SRFBP1: variants seen among roughly 807,000 people sequenced by gnomAD.
The protein encoded by SRFBP1 is serum response factor-binding protein 1.
In SRFBP1, 47 loss-of-function variants were observed where a neutral mutation model predicts 45.5. That is an observed-to-expected ratio of 1.03 (90% confidence interval 0.82 to 1.32). The LOEUF (loss-of-function observed/expected upper bound fraction) is 1.32. Among genes scored for constraint, SRFBP1 ranks in the 40% most tolerant of loss-of-function variants. SRFBP1 has a pLI of 0.00. For missense variants in SRFBP1, 621 were observed against 484.6 expected (o/e 1.28, Z -2.64); for synonymous variants, 203 against 166.3 (o/e 1.22, Z -1.70).
chr5:122,040,737 A>T (rs780274033), intron 2 of SRFBP1, among the ~76,000 whole-genome samples: 1 of 152,148 alleles, frequency 6.6e-6, no homozygotes, highest in African/African-American at 2.4e-5. Flanking sequence ...TACAAGCACT[A>T]AAATTGCACA....
At chr5:121,973,508 A>G (rs1400003453) in intron 1 of SRFBP1, among the ~76,000 whole-genome samples, 3 of 151,228 alleles carry the variant, frequency 2.0e-5, no homozygotes. Flanking sequence ...TTATAACTAT[A>G]ATTTCCATTT....
At chr5:121,997,988 A>G (rs895064218) in intron 4 of SRFBP1, among the ~76,000 whole-genome samples, 6 of 151,680 alleles carry the variant, frequency 4.0e-5, no homozygotes, top group Non-Finnish European at 7.4e-5. Flanking sequence ...ACCAGTTAGA[A>G]TGGCAATCAT....
At chr5:122,078,524 C>A (rs1181397166), downstream of SRFBP1, among the ~76,000 whole-genome samples, 2 of 152,106 alleles carry the variant, frequency 1.3e-5, no homozygotes, top group Non-Finnish European at 2.9e-5. Flanking sequence ...GGCGAACATG[C>A]AGGAATTTCA....
At chr5:122,026,874 A>G in intron 7 of SRFBP1, 68 bp from the exon 8 acceptor site, 2 of 1,070,336 alleles carry the variant, frequency 1.9e-6, no homozygotes, top group Non-Finnish European at 2.5e-6. Context: ...TTTGAAAAAG[A>G]TGAAATTTAC....
chr5:121,964,001 A>G (rs966370990), intron 1 of SRFBP1, among the ~76,000 whole-genome samples: 3 of 152,202 alleles, frequency 2.0e-5, no homozygotes, highest in African/African-American at 7.2e-5. Context: ...GAAATACCTC[A>G]TAGAAATTAA....
intron 2 of SRFBP1, among the ~76,000 whole-genome samples, chr5:122,051,704 C>G (rs1170062445): frequency 6.6e-6 from 1 of 151,958 alleles, no homozygotes; most frequent in Non-Finnish European, 1.5e-5. Context: ...GCTTCATTAT[C>G]TAGCTTGCCA....
chr5:122,072,067 T>C (rs1202643542), intron 2 of SRFBP1, among the ~76,000 whole-genome samples: 4 of 152,248 alleles, frequency 2.6e-5, no homozygotes, highest in Non-Finnish European at 5.9e-5. Context: ...TGGCATATAA[T>C]ACATACTCAA....
At chr5:121,984,189 A>C (rs1650790642) in intron 3 of SRFBP1, among the ~76,000 whole-genome samples, 1 of 151,832 alleles carries the variant, frequency 6.6e-6, no homozygotes, top group Non-Finnish European at 1.5e-5. Context: ...TATATGCATA[A>C]GGCTTCGTGC....
Position 122,071,173 on chromosome 5 carries a change from G to GA in SRFBP1, n.312-4140dup, listed in dbSNP as rs550091098. Among the ~76,000 whole-genome samples, 495 of 149,510 alleles carry GA rather than the reference G, an allele frequency of 3.3e-3. 2 individuals carry two copies. The highest frequency in any genetic ancestry group is 5.6e-3 in the Non-Finnish European group (376 of 67,576). ...ACATTTATTAAATAGTATGTGGCAG[G>GA]AACAATCGTAAACATTTATATGTGT... On this transcript the variant is annotated intron_variant and non_coding_transcript_variant, in intron 2 of 2. Transcript: ENST00000504881.
chr5:122,040,872 T>TA lies in SRFBP1; in HGVS notation n.311+18465_311+18466insA, dbSNP rs533959318. Among the ~76,000 whole-genome samples, 483 of 152,286 alleles carry TA rather than the reference T, an allele frequency of 3.2e-3. 2 individuals carry two copies. Among genetic ancestry groups the TA allele is most frequent in the Non-Finnish European group, 5.2e-3 (355 of 67,994 alleles). ...AAAGGTCATCTTGTTAGAGAGAACTTCTCTGACTTCACTTAGAAAGTATCA... is the reference window on the plus strand; with the variant it reads ...AAAGGTCATCTTGTTAGAGAGAACTTACTCTGACTTCACTTAGAAAGTATCA... On this transcript the variant is annotated intron_variant and non_coding_transcript_variant, in intron 2 of 2. Transcript: ENST00000504881.
At chr5:122,037,378 GGCTAACTTTGTA>G (rs1410217923) in intron 2 of SRFBP1, among the ~76,000 whole-genome samples, 1 of 152,164 alleles carries the variant, frequency 6.6e-6, no homozygotes, top group Non-Finnish European at 1.5e-5. Flanking sequence ...AATTGTCGCA[GGCTAACTTTGTA>G]GCTTGCAGGT....
chr5:121,999,363 G>T (rs754802857), intron 4 of SRFBP1, among the ~76,000 whole-genome samples: 9 of 151,592 alleles, frequency 5.9e-5, no homozygotes, highest in Non-Finnish European at 1.2e-4. Context: ...TTTCAATGTT[G>T]TACTATTTGT....
chr5:122,052,003 A>G (rs1319618116), intron 2 of SRFBP1, among the ~76,000 whole-genome samples: 1 of 152,146 alleles, frequency 6.6e-6, no homozygotes, highest in Admixed American at 6.5e-5. Context: ...TCCTCCACTC[A>G]TGAAACCTAG....
chr5:121,983,510 G>A (rs1752454573), intron 3 of SRFBP1, among the ~76,000 whole-genome samples: 1 of 151,710 alleles, frequency 6.6e-6, no homozygotes, highest in African/African-American at 2.4e-5. Flanking sequence ...ATTTCACTGT[G>A]AGAGATAGGA....
At chr5:122,076,952 G>T (rs1754655630), downstream of SRFBP1, 1 of 1,614,016 alleles carries the variant, frequency 6.2e-7, no homozygotes, top group Non-Finnish European at 8.5e-7. Context: ...TCTTCTGCAC[G>T]TACGTGGACG....
chr5:122,020,901 G>C (rs1753302634), intron 6 of SRFBP1, 99 bp downstream of exon 6: 1 of 1,137,696 alleles, frequency 8.8e-7, no homozygotes, highest in Non-Finnish European at 1.2e-6. Flanking sequence ...ATTCTAGTTT[G>C]TACAACCCAT....
At chr5:122,005,325 C>G in intron 4 of SRFBP1, among the ~76,000 whole-genome samples, 1 of 152,132 alleles carries the variant, frequency 6.6e-6, no homozygotes, top group East Asian at 1.9e-4. Flanking sequence ...TTTGGGTCCT[C>G]TGATACTGGA....
At chr5:122,034,987 A>G (rs893570798) in intron 2 of SRFBP1, among the ~76,000 whole-genome samples, 4 of 151,786 alleles carry the variant, frequency 2.6e-5, no homozygotes, top group African/African-American at 9.7e-5. Context: ...TAGGAGATGT[A>G]TCTGTTTGTC....
chr5:122,038,467 A>G (rs527932411), intron 2 of SRFBP1, among the ~76,000 whole-genome samples: 5 of 152,336 alleles, frequency 3.3e-5, no homozygotes, highest in African/African-American at 9.6e-5. Flanking sequence ...ATGAAATGTT[A>G]TTAGTGAGTG....
Sources: allele counts gnomAD v4.1 joint callset (sites outside exome capture counted in the v4.1 genomes callset), GRCh38; gene constraint gnomAD v4.1.1; transcripts MANE v1.5; gene names NCBI Gene and HGNC (gene_info 2026-07-23, HGNC 2026-07-21).